ZMAT3: variants seen among roughly 807,000 people sequenced by gnomAD.
The protein encoded by ZMAT3 is zinc finger matrin-type 3, also known as zinc finger matrin-type protein 3.
In ZMAT3, 17 loss-of-function variants were observed where a neutral mutation model predicts 32.3. That is an observed-to-expected ratio of 0.53 (90% confidence interval 0.36 to 0.79). The LOEUF is 0.79. Ranked by LOEUF, ZMAT3 falls within the 30% of genes least tolerant of loss-of-function variation. The probability of loss-of-function intolerance (pLI) is 0.00; values close to 1 mark genes in which losing one functional copy is unlikely to be tolerated. For synonymous variants in ZMAT3, 120 were observed against 133.1 expected (o/e 0.90, Z 0.68); for missense variants, 329 against 359.7 (o/e 0.91, Z 0.69).
chr3:179,061,622 A>G (rs1208708072), intron 2 of ZMAT3, among the ~76,000 whole-genome samples: 1 of 152,176 alleles, frequency 6.6e-6, no homozygotes. Context: ...GAAAAACAAA[A>G]AGTTATTTCA....
rs1188164670 is a variant in ZMAT3 at position 179,019,181 on chromosome 3, A to T, written c.*5836T>A. ...AATTTATGACAAGCACTTAAAAATGACCAATTCTAAAATAAACTTGTGTTT... is the reference window on the plus strand; with the variant it reads ...AATTTATGACAAGCACTTAAAAATGTCCAATTCTAAAATAAACTTGTGTTT... On this transcript the variant is annotated 3_prime_UTR_variant, in exon 6 of 6. Coordinates refer to ENST00000311417, the MANE Select transcript of ZMAT3 (RefSeq NM_022470.4). 3 of 152,064 alleles carry T rather than the reference A, an allele frequency of 2.0e-5. No individual in the cohort carries two copies. Among genetic ancestry groups the T allele is most frequent in the Non-Finnish European group, 2.9e-5 (2 of 67,964 alleles). The allele number at this position is 152,064 out of a possible 1,614,324, so 9.4% of individuals were successfully genotyped here. A position where few individuals can be genotyped will look rare whatever the true frequency, so the allele number is the denominator to read the frequency against.
At chr3:179,049,402 A>G (rs1233027777) in intron 2 of ZMAT3, among the ~76,000 whole-genome samples, 2 of 152,246 alleles carry the variant, frequency 1.3e-5, no homozygotes, top group African/African-American at 4.8e-5. Context: ...TCTTCAAGGT[A>G]GACCATATGA....
intron 2 of ZMAT3, 143 bp from the exon 3 acceptor site, chr3:179,031,142 T>C: frequency 1.5e-6 from 1 of 655,422 alleles, no homozygotes; most frequent in South Asian, 3.4e-5. Context: ...CATGACAGTA[T>C]ATTTTTATAA....
At chr3:179,050,328 T>C (rs1720485558) in intron 2 of ZMAT3, among the ~76,000 whole-genome samples, 1 of 152,074 alleles carries the variant, frequency 6.6e-6, no homozygotes, top group Non-Finnish European at 1.5e-5. Context: ...CAAAAAATCA[T>C]TCAAGGCTAT....
chr3:179,031,016 A>T lies in ZMAT3; in HGVS notation c.271-17T>A. 1 of 1,612,386 alleles carries T rather than the reference A, an allele frequency of 6.2e-7. No individual in the cohort carries two copies. Among genetic ancestry groups the T allele is most frequent in the Non-Finnish European group, 8.5e-7 (1 of 1,179,132 alleles). On this transcript the variant is annotated splice_polypyrimidine_tract_variant and intron_variant, in intron 2 of 5. Coordinates refer to ENST00000311417, the MANE Select transcript of ZMAT3 (RefSeq NM_022470.4). ...ATTTTTACCCTAGAAATAAAAATAA[A>T]ATGAGTACAGCAGTCCACCCTTATC... is the stretch of plus-strand genomic sequence containing the variant.
chr3:179,066,620 G>A (rs980552323), intron 2 of ZMAT3, among the ~76,000 whole-genome samples: 1 of 152,048 alleles, frequency 6.6e-6, no homozygotes, highest in Admixed American at 6.6e-5. Context: ...GTGATGACCC[G>A]GGAAGACATC....
At chr3:179,029,713 C>G (rs951593079) in intron 3 of ZMAT3, among the ~76,000 whole-genome samples, 1 of 152,104 alleles carries the variant, frequency 6.6e-6, no homozygotes, top group East Asian at 1.9e-4. Flanking sequence ...CACTGCCACA[C>G]CAAGTCATAT....
intron 2 of ZMAT3, among the ~76,000 whole-genome samples, chr3:179,065,493 T>C (rs1173437488): frequency 6.6e-6 from 1 of 152,212 alleles, no homozygotes; most frequent in African/African-American, 2.4e-5. Flanking sequence ...ATCTTCTCTA[T>C]GTATCATCAG....
chr3:179,029,742 G>A (rs1719078343), intron 3 of ZMAT3, among the ~76,000 whole-genome samples: 1 of 152,138 alleles, frequency 6.6e-6, no homozygotes, highest in Non-Finnish European at 1.5e-5. Context: ...GGGGCAAAAG[G>A]AAAATCAGTA....
intron 2 of ZMAT3, among the ~76,000 whole-genome samples, chr3:179,041,773 C>CA (rs1273420242): frequency 4.0e-5 from 6 of 151,670 alleles, no homozygotes; most frequent in South Asian, 4.2e-4. Flanking sequence ...AAAATCCCTT[C>CA]AAAAAATCAC....
At chr3:179,033,349 G>T (rs988208324) in intron 2 of ZMAT3, among the ~76,000 whole-genome samples, 1 of 151,824 alleles carries the variant, frequency 6.6e-6, no homozygotes, top group Non-Finnish European at 1.5e-5. Flanking sequence ...CAAACACTGC[G>T]GAAGGCGGAA....
intron 2 of ZMAT3, among the ~76,000 whole-genome samples, chr3:179,032,235 C>G (rs928657500): frequency 1.3e-5 from 2 of 151,728 alleles, no homozygotes; most frequent in Admixed American, 1.3e-4. Flanking sequence ...AGCTCCTGAC[C>G]GCGAGTGATC....
intron 2 of ZMAT3, 142 bp downstream of exon 2, chr3:179,067,341 A>T: frequency 2.2e-6 from 2 of 906,610 alleles, no homozygotes; most frequent in Non-Finnish European, 3.4e-6. Flanking sequence ...TAAGGCTTTT[A>T]ATCAAACAAA....
intron 1 of ZMAT3, among the ~76,000 whole-genome samples, chr3:179,070,478 C>CA (rs1249282271): frequency 1.3e-5 from 2 of 152,084 alleles, no homozygotes; most frequent in African/African-American, 2.4e-5. Flanking sequence ...GTCGACTCCT[C>CA]AAAAAAATCT....
intron 3 of ZMAT3, among the ~76,000 whole-genome samples, chr3:179,030,153 T>C (rs1375581641): frequency 6.6e-6 from 1 of 152,182 alleles, no homozygotes; most frequent in African/African-American, 2.4e-5. Flanking sequence ...GTCTGTTTCA[T>C]GATAGCAAGG....
Position 179,049,991 on chromosome 3 carries a change from C to CAAAAAA in ZMAT3, c.270+17486_270+17491dup, listed in dbSNP as rs34239014. On this transcript the variant is annotated intron_variant, in intron 2 of 5. Transcript: ENST00000311417. ...TGGGTGACAGAGCAAGACTCCGTCTCAAAAAAAAAAAAAAAAAAAAAAAAA... is the reference window on the plus strand; with the variant it reads ...TGGGTGACAGAGCAAGACTCCGTCTCAAAAAAAAAAAAAAAAAAAAAAAAAAAAAAA... 2.5e-4 allele frequency among the ~76,000 whole-genome samples: 2 copies of CAAAAAA among 8,146 alleles called. 1 individual carries two copies. The highest frequency in any genetic ancestry group is 8.1e-3 in the East Asian group (2 of 248). The allele number at this position is 8,146 out of a possible 152,430, so 5.3% of individuals were successfully genotyped here. A position where few individuals can be genotyped will look rare whatever the true frequency, so the allele number is the denominator to read the frequency against.
At chr3:179,033,864 C>T (rs901872582) in intron 2 of ZMAT3, among the ~76,000 whole-genome samples, 1 of 152,138 alleles carries the variant, frequency 6.6e-6, no homozygotes. Flanking sequence ...AGGAGCTTGC[C>T]CCCAGCTCCC....
At chr3:179,030,440 C>G (rs1047504580) in intron 3 of ZMAT3, among the ~76,000 whole-genome samples, 1 of 151,250 alleles carries the variant, frequency 6.6e-6, no homozygotes, top group Non-Finnish European at 1.5e-5. Flanking sequence ...CTGCAAGCTC[C>G]GCCTCCCGGG....
At position 179,022,741 on chromosome 3, in the gene ZMAT3, T is replaced by TA. The variant is rs1405662494; in HGVS notation, c.*2275dup. ...CTTCTGTTTCTGGGAGAAGAAAAGT[T>TA]ACAAAATAATTCTACTTCTCAAAGA... On this transcript the variant is annotated 3_prime_UTR_variant, in exon 6 of 6. Coordinates refer to ENST00000311417, the MANE Select transcript of ZMAT3 (RefSeq NM_022470.4). 6.6e-6 allele frequency: 1 copy of TA among 152,076 alleles called. No homozygotes were observed. Among genetic ancestry groups the TA allele is most frequent in the Non-Finnish European group, 1.5e-5 (1 of 68,000 alleles). The allele number at this position is 152,076 out of a possible 1,614,324, so 9.4% of individuals were successfully genotyped here.
Sources: gnomAD v4.1 joint callset for allele counts (sites outside exome capture counted in the v4.1 genomes callset) on GRCh38, gnomAD v4.1.1 for gene constraint, MANE v1.5 for transcripts, NCBI Gene and HGNC (gene_info 2026-07-23, HGNC 2026-07-21) for gene names.